Variants in VGLL4 observed in about 807,000 individuals in gnomAD.
The protein encoded by VGLL4 is vestigial like family member 4.
In VGLL4, 7 loss-of-function variants were observed where a neutral mutation model predicts 21.0. The observed-to-expected ratio is 0.33, with a 90% CI of 0.19 to 0.63. The LOEUF is 0.63. Among genes scored for constraint, VGLL4 ranks in the 20% least tolerant of loss-of-function variants. VGLL4 has a pLI of 0.78. For synonymous variants in VGLL4, 222 were observed against 173.2 expected (o/e 1.28, Z -2.21); for missense variants, 394 against 425.7 (o/e 0.93, Z 0.66).
intron 2 of VGLL4, among the ~76,000 whole-genome samples, chr3:11,586,824 G>C (rs1220200489): frequency 6.6e-6 from 1 of 152,144 alleles, no homozygotes. Context: ...TTGGCACAGG[G>C]ATACCAGGAG....
chr3:11,705,920 C>CA lies in VGLL4; in HGVS notation c.-13-2874dup, dbSNP rs11335186. On this transcript the variant is annotated intron_variant, in intron 1 of 5. Coordinates refer to the VGLL4 transcript ENST00000273038. ...TGGGCGACAGAGCGAGACTCCGTCT[C>CA]AAAAAAAAAAAAAAAAAGATCTTGT... 6.2e-3 allele frequency among the ~76,000 whole-genome samples: 808 copies of CA among 131,366 alleles called. 6 individuals carry two copies. Among genetic ancestry groups the CA allele is most frequent in the Admixed American group, 0.01 (137 of 13,418 alleles). The allele number at this position is 131,366 out of a possible 152,430, so 86.2% of individuals were successfully genotyped here.
At chr3:11,702,851 A>G in intron 2 of VGLL4, 1 of 909,170 alleles carries the variant, frequency 1.1e-6, no homozygotes, top group Non-Finnish European at 1.5e-6. Context: ...AAGGAAAACC[A>G]CCAAAATTAA....
intron 3 of VGLL4, among the ~76,000 whole-genome samples, chr3:11,560,118 C>A (rs2072845817): frequency 1.3e-5 from 2 of 152,098 alleles, no homozygotes; most frequent in Admixed American, 6.5e-5. Context: ...CTGTTCAGAT[C>A]TCTCTCTGAA....
chr3:11,720,581 G>A (rs896943529), exon 1 of VGLL4: 1 of 152,248 alleles, frequency 6.6e-6, no homozygotes, highest in Non-Finnish European at 1.5e-5. Flanking sequence ...GGCGCTCGGC[G>A]GCGTCCTTCC....
intron 2 of VGLL4, among the ~76,000 whole-genome samples, chr3:11,674,011 CAAAAAAAAAAA>C (rs11293628): frequency 7.0e-5 from 4 of 56,902 alleles, no homozygotes; most frequent in Admixed American, 2.7e-4. Flanking sequence ...GACTTTGTCT[CAAAAAAAAAAA>C]AAAAAAAAAA....
intron 2 of VGLL4, among the ~76,000 whole-genome samples, chr3:11,689,169 G>A (rs578176664): frequency 6.6e-6 from 1 of 152,302 alleles, no homozygotes; most frequent in African/African-American, 2.4e-5. Flanking sequence ...CTTTGGGTTT[G>A]TCTTGTAGTG....
intron 2 of VGLL4, among the ~76,000 whole-genome samples, chr3:11,696,668 G>C (rs745784032): frequency 6.6e-6 from 1 of 152,190 alleles, no homozygotes; most frequent in Non-Finnish European, 1.5e-5. Flanking sequence ...TTTAAATAGA[G>C]TGCAAAGACC....
At chr3:11,582,502 T>TACCC in intron 2 of VGLL4, 1 of 756,458 alleles carries the variant, frequency 1.3e-6, no homozygotes, top group Non-Finnish European at 2.1e-6. Flanking sequence ...CTGGGGTAGG[T>TACCC]CAGGAACTCC....
At chr3:11,621,127 G>C (rs1048534534) in intron 1 of VGLL4, among the ~76,000 whole-genome samples, 2 of 152,202 alleles carry the variant, frequency 1.3e-5, no homozygotes, top group Admixed American at 1.3e-4. Context: ...AATGAATGGA[G>C]CAACAATATT....
intron 2 of VGLL4, among the ~76,000 whole-genome samples, chr3:11,677,802 G>A (rs1260456672): frequency 6.6e-6 from 1 of 151,718 alleles, no homozygotes; most frequent in Non-Finnish European, 1.5e-5. Flanking sequence ...CTACTTGAGA[G>A]GTTGAGGCAG....
At chr3:11,689,029 A>AAG (rs1335051585) in intron 2 of VGLL4, among the ~76,000 whole-genome samples, 1 of 152,088 alleles carries the variant, frequency 6.6e-6, no homozygotes, top group Non-Finnish European at 1.5e-5. Context: ...TCAAAAAAAA[A>AAG]AGAGAGAGAG....
chr3:11,627,230 A>ACACACACACACACACTCT (rs1491347863), intron 1 of VGLL4: 2 of 123,270 alleles, frequency 1.6e-5, no homozygotes, highest in South Asian at 3.1e-4. Context: ...ACACACACAC[A>ACACACACACACACACTCT]CTCTCTCTCT....
chr3:11,587,131 T>C (rs1644564189), intron 2 of VGLL4, among the ~76,000 whole-genome samples: 1 of 152,216 alleles, frequency 6.6e-6, no homozygotes, highest in Non-Finnish European at 1.5e-5. Flanking sequence ...TGAGTAATAA[T>C]ACTGGGAGAG....
At chr3:11,685,642 A>G (rs1294794229) in intron 2 of VGLL4, among the ~76,000 whole-genome samples, 2 of 152,248 alleles carry the variant, frequency 1.3e-5, no homozygotes. Flanking sequence ...CAGAAATGTG[A>G]AAAGATAATC....
intron 1 of VGLL4, among the ~76,000 whole-genome samples, chr3:11,704,390 A>G (rs2076728829): frequency 6.7e-6 from 1 of 148,330 alleles, no homozygotes; most frequent in African/African-American, 2.5e-5. Context: ...TCTCAAAAAA[A>G]AAAAAAAAAA....
intron 1 of VGLL4, among the ~76,000 whole-genome samples, chr3:11,629,912 G>C: frequency 6.6e-6 from 1 of 152,148 alleles, no homozygotes; most frequent in Non-Finnish European, 1.5e-5. Flanking sequence ...TATTTTAACA[G>C]GCCAGTGGTT....
intron 2 of VGLL4, among the ~76,000 whole-genome samples, chr3:11,573,243 TAGAG>T (rs1559869103): frequency 9.2e-5 from 4 of 43,474 alleles, no homozygotes; most frequent in Non-Finnish European, 1.8e-4. Flanking sequence ...AGAAAAGAAA[TAGAG>T]AAAGAAAGAA....
chr3:11,567,329 A>G (rs1010462995), intron 2 of VGLL4, among the ~76,000 whole-genome samples: 1 of 152,156 alleles, frequency 6.6e-6, no homozygotes, highest in African/African-American at 2.4e-5. Flanking sequence ...TAAACCGAGT[A>G]TATTGATTAT....
Position 11,643,836 on chromosome 3 carries a change from G to T in VGLL4, c.-318C>A. ...GGAAAAGAGTGAAAAAGAGAAACGC[G>T]CAGCCCGTTTCCTAGGACAAAGCGG... is the stretch of plus-strand genomic sequence containing the variant. On this transcript the variant is annotated 5_prime_UTR_variant, in exon 1 of 5. Coordinates refer to ENST00000430365, the MANE Select transcript of VGLL4 (RefSeq NM_001128219.3). The T allele has an allele frequency of 9.4e-7, 1 of 1,065,474 alleles. No individual in the cohort carries two copies. Among genetic ancestry groups the T allele is most frequent in the Admixed American group, 5.1e-5 (1 of 19,444 alleles). The allele number at this position is 1,065,474 out of a possible 1,614,324, so 66.0% of individuals were successfully genotyped here. A position where few individuals can be genotyped will look rare whatever the true frequency, so the allele number is the denominator to read the frequency against.
Sources: gnomAD v4.1 joint callset for allele counts (sites outside exome capture counted in the v4.1 genomes callset) on GRCh38, gnomAD v4.1.1 for gene constraint, MANE v1.5 for transcripts, NCBI Gene and HGNC (gene_info 2026-07-23, HGNC 2026-07-21) for gene names.